MED12L: variants seen among roughly 807,000 people sequenced by gnomAD.
The protein encoded by MED12L is mediator complex subunit 12L.
MED12L carries 60 observed loss-of-function variants against 281.3 expected under a neutral mutation model. That is an observed-to-expected ratio of 0.21 (90% CI 0.17 to 0.26). MED12L has a LOEUF of 0.26. Among genes scored for constraint, MED12L ranks in the 10% least tolerant of loss-of-function variants. The pLI is 1.00. For synonymous variants in MED12L, 974 were observed against 987.2 expected, an observed-to-expected ratio of 0.99 and a Z score of 0.25; for missense variants, 2,146 against 2,680.9, an observed-to-expected ratio of 0.80 and a Z score of 4.41.
chr3:151,338,747 A>G, intron 16 of MED12L: 2 of 1,613,748 alleles, frequency 1.2e-6, no homozygotes, highest in South Asian at 1.1e-5. Context: ...AAAACAGGAC[A>G]GTGTAGAGCA....
At chr3:151,423,761 A>G (rs1011344289) in intron 43 of MED12L, among the ~76,000 whole-genome samples, 1 of 152,222 alleles carries the variant, frequency 6.6e-6, no homozygotes, top group Non-Finnish European at 1.5e-5. Context: ...AACTACTTCC[A>G]GTGTTAAGAA....
At chr3:151,225,214 G>C (rs564373024) in intron 16 of MED12L, among the ~76,000 whole-genome samples, 2 of 152,094 alleles carry the variant, frequency 1.3e-5, no homozygotes, top group Non-Finnish European at 2.9e-5. Context: ...AGAAGTTGCT[G>C]TTCTCTCTCT....
At chr3:151,386,664 C>T (rs1713421865) in intron 36 of MED12L, among the ~76,000 whole-genome samples, 1 of 151,626 alleles carries the variant, frequency 6.6e-6, no homozygotes, top group African/African-American at 2.4e-5. Flanking sequence ...GCAACCTCCA[C>T]CTCCCGGGTT....
At chr3:151,328,117 A>T (rs769169595) in intron 16 of MED12L, 1 of 1,612,578 alleles carries the variant, frequency 6.2e-7, no homozygotes, top group South Asian at 1.1e-5. Flanking sequence ...ATATTAAGGG[A>T]TCCATACAAA....
chr3:151,434,717 C>A lies in MED12L; in HGVS notation c.*1913C>A, dbSNP rs1396000208. ...AGTCATGTTCCATCATTATTTCTTT[C>A]CAAATTTCTTTGCCAGTTCAGTTTG... On this transcript the variant is annotated 3_prime_UTR_variant, in exon 45 of 45. Transcript: ENST00000687756. The A allele has an allele frequency of 2.0e-5, 3 of 152,204 alleles. No homozygotes were observed. Among genetic ancestry groups the A allele is most frequent in the Admixed American group, 2.0e-4 (3 of 15,280 alleles). The allele number at this position is 152,204 out of a possible 1,614,324, so 9.4% of individuals were successfully genotyped here.
intron 41 of MED12L, among the ~76,000 whole-genome samples, chr3:151,411,834 C>G (rs1366700131): frequency 6.6e-6 from 1 of 152,042 alleles, no homozygotes; most frequent in East Asian, 1.9e-4. Flanking sequence ...ACATATCTAA[C>G]AGAGAAAACT....
chr3:151,171,097 T>G (rs1177115412), intron 11 of MED12L, among the ~76,000 whole-genome samples: 1 of 152,234 alleles, frequency 6.6e-6, no homozygotes, highest in Admixed American at 6.5e-5. Flanking sequence ...CTGGTACATG[T>G]CTTCTACAAC....
At chr3:151,203,854 T>C (rs1368933817) in intron 16 of MED12L, among the ~76,000 whole-genome samples, 1 of 152,208 alleles carries the variant, frequency 6.6e-6, no homozygotes, top group Non-Finnish European at 1.5e-5. Context: ...TAATTTTTCA[T>C]TGAAGAATAT....
At chr3:151,409,919 C>T (rs1285433141) in intron 40 of MED12L, among the ~76,000 whole-genome samples, 1 of 152,138 alleles carries the variant, frequency 6.6e-6, no homozygotes, top group Non-Finnish European at 1.5e-5. Context: ...GAGCTGTGAT[C>T]TGTTGCCTTG....
chr3:151,274,225 T>C (rs762268021), intron 16 of MED12L, among the ~76,000 whole-genome samples: 2 of 152,254 alleles, frequency 1.3e-5, no homozygotes, highest in Non-Finnish European at 2.9e-5. Context: ...TTTCTAAAAA[T>C]AATTCCTACT....
At chr3:151,295,903 T>A (rs540982085) in intron 16 of MED12L, among the ~76,000 whole-genome samples, 1 of 152,228 alleles carries the variant, frequency 6.6e-6, no homozygotes, top group Non-Finnish European at 1.5e-5. Flanking sequence ...TGAAATCTGT[T>A]TTCACCTTAG....
intron 39 of MED12L, among the ~76,000 whole-genome samples, chr3:151,405,641 T>C (rs1220418554): frequency 1.3e-5 from 2 of 152,180 alleles, no homozygotes. Flanking sequence ...TGTCTCACTT[T>C]GTGTTTCACA....
chr3:151,255,839 G>A (rs1463066716), intron 16 of MED12L, among the ~76,000 whole-genome samples: 3 of 152,180 alleles, frequency 2.0e-5, no homozygotes, highest in African/African-American at 7.2e-5. Flanking sequence ...TATAAACCAG[G>A]AGACCTCAGG....
At chr3:151,129,888 C>T (rs1252437719) in intron 5 of MED12L, among the ~76,000 whole-genome samples, 2 of 152,092 alleles carry the variant, frequency 1.3e-5, no homozygotes, top group African/African-American at 4.8e-5. Flanking sequence ...CCTGCCTCAG[C>T]CTCTCAAGTT....
intron 36 of MED12L, among the ~76,000 whole-genome samples, chr3:151,385,459 T>A (rs902260742): frequency 6.6e-6 from 1 of 152,006 alleles, no homozygotes; most frequent in African/African-American, 2.4e-5. Flanking sequence ...GAAAACTAAG[T>A]AAAAGCTTAG....
chr3:151,160,161 G>A (rs1719799850), intron 8 of MED12L, 60 bp downstream of exon 8: 1 of 1,428,268 alleles, frequency 7.0e-7, no homozygotes, highest in Non-Finnish European at 9.4e-7. Flanking sequence ...GATTGAGTTG[G>A]GAATGGCATT....
At chr3:151,365,749 C>T (rs1755197158) in intron 22 of MED12L, 101 bp from the exon 23 acceptor site, 1 of 1,066,218 alleles carries the variant, frequency 9.4e-7, no homozygotes, top group African/African-American at 1.6e-5. Flanking sequence ...AAGAAAATGA[C>T]TTGTTTGATG....
At chr3:151,336,052 C>T (rs1185660035) in intron 16 of MED12L, among the ~76,000 whole-genome samples, 1 of 152,144 alleles carries the variant, frequency 6.6e-6, no homozygotes, top group Admixed American at 6.5e-5. Context: ...TGCTCTACCC[C>T]AACTTGAATG....
intron 4 of MED12L, among the ~76,000 whole-genome samples, chr3:151,124,822 T>A (rs539627822): frequency 6.6e-6 from 1 of 152,232 alleles, no homozygotes; most frequent in African/African-American, 2.4e-5. Context: ...AAAAGGAGAC[T>A]TCTGGCATCT....
Sources: allele counts gnomAD v4.1 joint callset (sites outside exome capture counted in the v4.1 genomes callset), GRCh38; gene constraint gnomAD v4.1.1; transcripts MANE v1.5; gene names NCBI Gene and HGNC (gene_info 2026-07-23, HGNC 2026-07-21).